The following DPYD variants were observed in gnomAD, a reference collection of about 807,000 sequenced individuals.
DPYD encodes the protein dihydropyrimidine dehydrogenase [NADP(+)].
A neutral mutation model predicts 116.2 loss-of-function variants in DPYD; 109 were observed. The observed-to-expected ratio is 0.94, with a 90% CI of 0.80 to 1.10. DPYD has a LOEUF of 1.10. DPYD is among the 50% of genes least tolerant of loss of function. DPYD has a pLI of 0.00. For missense variants in DPYD, 1,302 were observed against 1,254.5 expected, an observed-to-expected ratio of 1.04 and a Z score of -0.57; for synonymous variants, 440 against 432.0, an observed-to-expected ratio of 1.02 and a Z score of -0.23.
At chr1:97,245,857 T>C (rs1662684067) in intron 18 of DPYD, among the ~76,000 whole-genome samples, 1 of 152,166 alleles carries the variant, frequency 6.6e-6, no homozygotes, top group South Asian at 2.1e-4. Flanking sequence ...ATGGCAGCAC[T>C]TGCTGTACTG....
intron 19 of DPYD, among the ~76,000 whole-genome samples, chr1:97,198,212 A>C (rs1460008874): frequency 6.6e-6 from 1 of 152,076 alleles, no homozygotes; most frequent in African/African-American, 2.4e-5. Context: ...CTGCTGCTGG[A>C]CCACACTTAG....
chr1:97,426,406 C>T (rs1674867725), intron 14 of DPYD, among the ~76,000 whole-genome samples: 1 of 151,872 alleles, frequency 6.6e-6, no homozygotes, highest in African/African-American at 2.4e-5. Flanking sequence ...AGTAATATAC[C>T]AAAGGTCTCA....
At chr1:97,318,694 TACCC>T (rs1464875935) in intron 16 of DPYD, among the ~76,000 whole-genome samples, 1 of 150,090 alleles carries the variant, frequency 6.7e-6, no homozygotes, top group Non-Finnish European at 1.5e-5. Flanking sequence ...TCAACAAGGA[TACCC>T]AGGAATTGAA....
chr1:97,456,783 T>C (rs938276817), intron 13 of DPYD, among the ~76,000 whole-genome samples: 1 of 152,106 alleles, frequency 6.6e-6, no homozygotes, highest in Non-Finnish European at 1.5e-5. Context: ...ACAGGCATGA[T>C]AAAGGATAAT....
chr1:97,136,628 T>C (rs1653823322), intron 20 of DPYD, among the ~76,000 whole-genome samples: 1 of 152,132 alleles, frequency 6.6e-6, no homozygotes, highest in African/African-American at 2.4e-5. Flanking sequence ...GAATGATATT[T>C]AGTGCTTCAG....
At chr1:97,851,538 G>A (rs1352646427) in intron 2 of DPYD, among the ~76,000 whole-genome samples, 1 of 151,810 alleles carries the variant, frequency 6.6e-6, no homozygotes, top group African/African-American at 2.4e-5. Flanking sequence ...ATATGCAGGT[G>A]CATTCGGACC....
intron 3 of DPYD, among the ~76,000 whole-genome samples, chr1:97,772,105 A>G: frequency 6.6e-6 from 1 of 152,172 alleles, no homozygotes; most frequent in Non-Finnish European, 1.5e-5. Context: ...ATGTTGTCTT[A>G]AATTTTTTTA....
At chr1:97,454,299 A>G (rs533105283) in intron 13 of DPYD, among the ~76,000 whole-genome samples, 49 of 152,082 alleles carry the variant, frequency 3.2e-4, no homozygotes, top group African/African-American at 1.1e-3. Flanking sequence ...CTAGAGTTAG[A>G]GTTTAAATAA....
intron 3 of DPYD, among the ~76,000 whole-genome samples, chr1:97,763,319 A>C (rs1026146196): frequency 7.9e-5 from 12 of 152,036 alleles, no homozygotes; most frequent in Admixed American, 2.6e-4. Context: ...ATTATTGTAG[A>C]TAAAGTCTAA....
In DPYD at chr1:97,104,218, A is replaced by G. The variant is rs536896974; in HGVS notation, c.2623-5586T>C. 6.6e-5 allele frequency among the ~76,000 whole-genome samples: 10 copies of G among 152,296 alleles called. No homozygotes were observed. The South Asian group carries it at 2.1e-3, about 32-fold the overall frequency. On this transcript the variant is annotated intron_variant, in intron 20 of 22. Coordinates refer to ENST00000370192, the MANE Select transcript of DPYD (RefSeq NM_000110.4). ...TAATTTTTCAAAGCTTAATGAATGA[A>G]TGAATAAATGAATGAATGAATATCT...
At chr1:97,793,276 T>C (rs1485587512) in intron 3 of DPYD, among the ~76,000 whole-genome samples, 2 of 152,216 alleles carry the variant, frequency 1.3e-5, no homozygotes, top group African/African-American at 4.8e-5. Flanking sequence ...TTTGTTAAGA[T>C]GGTGATTCAC....
chr1:97,217,760 G>C (rs2101885782), intron 19 of DPYD, among the ~76,000 whole-genome samples: 1 of 152,246 alleles, frequency 6.6e-6, no homozygotes, highest in African/African-American at 2.4e-5. Context: ...TTTACAAGCA[G>C]TCTTAGGGCT....
rs1434809487 is a variant in DPYD, at chr1:97,229,587, T to TATATAA, written c.2442+5264_2442+5265insTTATAT. 4.3e-3 allele frequency among the ~76,000 whole-genome samples: 278 copies of TATATAA among 64,652 alleles called. 12 individuals carry two copies. Among genetic ancestry groups the TATATAA allele is most frequent in the African/African-American group, 0.016 (270 of 17,274 alleles). 42.4% of individuals were successfully genotyped at this position (64,652 alleles called of 152,430 possible). A position where few individuals can be genotyped will look rare whatever the true frequency, so the allele number is the denominator to read the frequency against. ...ATATATATATATATATATATATATA[T>TATATAA]ATACTGATTTTAATTCATACTTTAG... On this transcript the variant is annotated intron_variant, in intron 19 of 22. Transcript: ENST00000370192.
At chr1:97,581,856 G>A (rs1476693588) in intron 10 of DPYD, among the ~76,000 whole-genome samples, 1 of 151,894 alleles carries the variant, frequency 6.6e-6, no homozygotes, top group African/African-American at 2.4e-5. Flanking sequence ...TTACTAGGAA[G>A]TTCTTGTATG....
At chr1:97,367,565 G>A (rs554340248) in intron 16 of DPYD, among the ~76,000 whole-genome samples, 17 of 152,176 alleles carry the variant, frequency 1.1e-4, no homozygotes, top group South Asian at 2.1e-4. Flanking sequence ...ATGATTAAAC[G>A]CAGGAAGGGG....
chr1:97,420,944 T>A (rs1479950204), intron 14 of DPYD, among the ~76,000 whole-genome samples: 1 of 152,160 alleles, frequency 6.6e-6, no homozygotes, highest in African/African-American at 2.4e-5. Flanking sequence ...TGCACATAGT[T>A]TTCTGAAACT....
At chr1:97,415,255 C>G (rs2101679844) in intron 14 of DPYD, among the ~76,000 whole-genome samples, 1 of 151,678 alleles carries the variant, frequency 6.6e-6, no homozygotes. Context: ...ACTGTTGTAG[C>G]ACAGTCATTG....
At chr1:97,483,484 A>G (rs1678437693) in intron 13 of DPYD, among the ~76,000 whole-genome samples, 1 of 152,116 alleles carries the variant, frequency 6.6e-6, no homozygotes, top group Non-Finnish European at 1.5e-5. Context: ...GGCGAACGAC[A>G]CTGACTCGGT....
chr1:97,180,945 A>G (rs1359419085), intron 20 of DPYD, among the ~76,000 whole-genome samples: 3 of 152,190 alleles, frequency 2.0e-5, no homozygotes, highest in African/African-American at 7.2e-5. Flanking sequence ...TCAGGCATGC[A>G]ATGGTGGATT....
Sources: gnomAD v4.1 joint callset for allele counts (sites outside exome capture counted in the v4.1 genomes callset) on GRCh38, gnomAD v4.1.1 for gene constraint, MANE v1.5 for transcripts, NCBI Gene and HGNC (gene_info 2026-07-23, HGNC 2026-07-21) for gene names.